SATL1: variants seen among roughly 807,000 people sequenced by gnomAD.
SATL1 encodes the protein spermidine/spermine N(1)-acetyltransferase-like protein 1.
A neutral mutation model predicts 51.8 loss-of-function variants in SATL1; 47 were observed. The observed-to-expected ratio is 0.91, with a 90% CI of 0.72 to 1.16. SATL1 has a LOEUF of 1.16. Ranked by LOEUF, SATL1 falls within the 50% of genes most tolerant of loss-of-function variation. The pLI, the probability that SATL1 is intolerant of heterozygous loss-of-function variation, is 0.00. For missense variants in SATL1, 520 were observed against 526.4 expected, an observed-to-expected ratio of 0.99 and a Z score of 0.12; for synonymous variants, 176 against 182.4, an observed-to-expected ratio of 0.97 and a Z score of 0.28.
chrX:85,117,787 A>G (rs1348095534), intron 2 of SATL1, among the ~76,000 whole-genome samples: 3 of 111,775 alleles, frequency 2.7e-5, no homozygotes, highest in Non-Finnish European at 3.8e-5. Context: ...GAAAATATCT[A>G]TGACAGGTAG....
chrX:85,231,996 G>T (rs1471096802), intron 1 of SATL1, among the ~76,000 whole-genome samples: 1 of 107,978 alleles, frequency 9.3e-6, no homozygotes, highest in Non-Finnish European at 1.9e-5. Flanking sequence ...TCAACTCCAG[G>T]CACACAGCTC....
intron 2 of SATL1, among the ~76,000 whole-genome samples, chrX:85,176,347 A>T (rs1447870238): frequency 1.8e-5 from 2 of 111,849 alleles, no homozygotes; most frequent in Admixed American, 9.6e-5. Context: ...CAGCTATATC[A>T]CTTCTGGTAG....
chrX:85,206,000 T>C (rs908505540), intron 2 of SATL1, among the ~76,000 whole-genome samples: 3 of 111,677 alleles, frequency 2.7e-5, no homozygotes, highest in African/African-American at 9.8e-5. Flanking sequence ...AAATCAAGCA[T>C]GACCATAAAT....
chrX:85,128,179 G>A (rs1925678100), intron 2 of SATL1, among the ~76,000 whole-genome samples: 1 of 111,475 alleles, frequency 9.0e-6, no homozygotes, highest in African/African-American at 3.3e-5. Flanking sequence ...GGATAGCTGG[G>A]TCAAATGGTA....
chrX:85,108,408 G>A lies in SATL1; in HGVS notation c.561C>T (p.Asn187=), dbSNP rs369947679. The A allele has an allele frequency of 1.7e-5, 21 of 1,209,960 alleles. No homozygotes were observed. The South Asian group carries it at 2.3e-4, about 13-fold the overall frequency. Residue 187 remains asparagine (N), a synonymous_variant, in exon 3 of 8, where the codon AAC becomes AAT. Coordinates refer to ENST00000644105, the MANE Select transcript of SATL1 (RefSeq NM_001367857.2). ...GLSQPVLRQP[N]MSPPGMWQPG... ...GTTGCCACATGCCTGGTGGACTCAT[G>A]TTTGGTTGCCTCAGGACTGGTTGGC...
chrX:85,156,814 TA>T (rs1926600428), intron 2 of SATL1, among the ~76,000 whole-genome samples: 9 of 165 alleles, frequency 0.055, no homozygotes, highest in African/African-American at 0.12. Flanking sequence ...ATGTGGAGAT[TA>T]TATATATATA....
chrX:85,095,161 A>G (rs939463059), intron 4 of SATL1, among the ~76,000 whole-genome samples, 165 bp from the exon 5 acceptor site: 1 of 112,183 alleles, frequency 8.9e-6, no homozygotes, highest in African/African-American at 3.2e-5. Context: ...AACATTTGCA[A>G]CTTACAGGAG....
chrX:85,180,034 AATCCTCACAAC>A (rs1391756954), intron 2 of SATL1, among the ~76,000 whole-genome samples: 9 of 111,055 alleles, frequency 8.1e-5, no homozygotes, highest in African/African-American at 2.9e-4. Flanking sequence ...AAACTCATTT[AATCCTCACAAC>A]ATCCTCAAAA....
rs191916605 is a variant in SATL1, at chrX:85,237,428, C to T, written c.-435+6160G>A. Among the ~76,000 whole-genome samples the T allele has an allele frequency of 6.3e-5, 7 of 111,259 alleles. No individual in the cohort carries two copies. The East Asian group carries it at 1.7e-3, about 27-fold the overall frequency. ...CAAATCCACACACCTACACTGAATT[C>T]ATTTTCAACAAAGGTGCCAAGAACA... On this transcript the variant is annotated intron_variant, in intron 1 of 7. Transcript: ENST00000644105.
intron 2 of SATL1, among the ~76,000 whole-genome samples, chrX:85,168,484 C>T (rs772586305): frequency 2.7e-5 from 3 of 111,219 alleles, no homozygotes; most frequent in South Asian, 3.8e-4. Context: ...ACACCAAAAA[C>T]GGTCAAGCTG....
rs141181678 is a variant in SATL1 at position 85,190,752 on chromosome X, G to A, written c.-313+33453C>T. ...TATGTTATTATCACAGTCCTATTGTGACTATGGTAAAGAGTTGATGCAAAT... is the reference window on the plus strand; with the variant it reads ...TATGTTATTATCACAGTCCTATTGTAACTATGGTAAAGAGTTGATGCAAAT... On this transcript the variant is annotated intron_variant, in intron 2 of 7. Transcript: ENST00000644105. 3.5e-3 allele frequency among the ~76,000 whole-genome samples: 391 copies of A among 110,959 alleles called. 1 individual carries two copies. The highest frequency in any genetic ancestry group is 5.5e-3 in the Non-Finnish European group (294 of 52,979).
intron 2 of SATL1, among the ~76,000 whole-genome samples, chrX:85,217,333 A>C (rs956882767): frequency 5.4e-5 from 6 of 111,319 alleles, no homozygotes; most frequent in African/African-American, 1.6e-4. Context: ...TAAGAGACTC[A>C]AAAAAGAAGT....
At chrX:85,178,507 C>T (rs1927128403) in intron 2 of SATL1, among the ~76,000 whole-genome samples, 1 of 109,155 alleles carries the variant, frequency 9.2e-6, no homozygotes, top group Non-Finnish European at 1.9e-5. Context: ...CCTTAGCCTT[C>T]CAAGTAGCTG....
At chrX:85,165,120 T>A (rs954715433) in intron 2 of SATL1, among the ~76,000 whole-genome samples, 7 of 111,771 alleles carry the variant, frequency 6.3e-5, no homozygotes, top group African/African-American at 2.3e-4. Flanking sequence ...CCTTGATTAT[T>A]CCCTCAAATA....
chrX:85,098,401 A>G (rs1924793735), intron 4 of SATL1, among the ~76,000 whole-genome samples: 2 of 111,758 alleles, frequency 1.8e-5, no homozygotes, highest in African/African-American at 3.3e-5. Flanking sequence ...ACTTTCAGTA[A>G]TATATAGGAC....
chrX:85,178,611 C>CA (rs60561678), intron 2 of SATL1, among the ~76,000 whole-genome samples: 2,962 of 50,079 alleles, frequency 0.059, 54 homozygotes, highest in Middle Eastern at 0.11. Flanking sequence ...ACAAAATGCT[C>CA]AAAAAAAAAA....
intron 2 of SATL1, among the ~76,000 whole-genome samples, chrX:85,154,519 T>C (rs1926540045): frequency 8.9e-6 from 1 of 112,040 alleles, no homozygotes; most frequent in Non-Finnish European, 1.9e-5. Flanking sequence ...TGTGTCAGGC[T>C]GAATTATAAA....
chrX:85,192,517 C>A (rs1602901670), intron 2 of SATL1, among the ~76,000 whole-genome samples: 2 of 110,660 alleles, frequency 1.8e-5, no homozygotes, highest in African/African-American at 6.6e-5. Flanking sequence ...GGCTTTATGT[C>A]CTCACTTTTC....
chrX:85,206,260 C>T (rs1011207592), intron 2 of SATL1, among the ~76,000 whole-genome samples: 4 of 111,051 alleles, frequency 3.6e-5, no homozygotes, highest in Non-Finnish European at 5.7e-5. Context: ...AATGGACTTA[C>T]GGCCAGAGTA....
Sources: gnomAD v4.1 joint callset for allele counts (sites outside exome capture counted in the v4.1 genomes callset) on GRCh38, gnomAD v4.1.1 for gene constraint, MANE v1.5 for transcripts, NCBI Gene and HGNC (gene_info 2026-07-23, HGNC 2026-07-21) for gene names.